Variants in MLXIP observed in about 807,000 individuals in gnomAD.
The protein encoded by MLXIP is MLX-interacting protein.
MLXIP carries 30 observed loss-of-function variants against 87.2 expected under a neutral mutation model. That is an observed-to-expected ratio of 0.34 (90% confidence interval 0.26 to 0.47). MLXIP has a LOEUF of 0.47. Among genes scored for constraint, MLXIP ranks in the 20% least tolerant of loss-of-function variants. MLXIP has a pLI of 1.00. For missense variants in MLXIP, 1,002 were observed against 1,240.1 expected (o/e 0.81, Z 2.88); for synonymous variants, 530 against 514.0 (o/e 1.03, Z -0.42).
chr12:122,114,756 G>GGT (rs1416201986), intron 1 of MLXIP, among the ~76,000 whole-genome samples: 4 of 49,586 alleles, frequency 8.1e-5, no homozygotes, highest in East Asian at 5.8e-4. Context: ...TTTTTTTTTT[G>GGT]GTGGGGGGGG....
chr12:122,093,777 GTA>G (rs1286185852), intron 1 of MLXIP, among the ~76,000 whole-genome samples: 8 of 143,144 alleles, frequency 5.6e-5, no homozygotes, highest in African/African-American at 2.1e-4. Flanking sequence ...TGTGGTGTGT[GTA>G]TTTGCAGTGT....
chr12:122,093,009 G>A (rs1593064538), intron 1 of MLXIP, among the ~76,000 whole-genome samples: 1 of 144,228 alleles, frequency 6.9e-6, no homozygotes, highest in East Asian at 2.1e-4. Context: ...TGTATGTGTG[G>A]TGTGGTCTGT....
chr12:122,142,160 A>T lies in MLXIP; in HGVS notation c.*348A>T, dbSNP rs1953219249. On this transcript the variant is annotated 3_prime_UTR_variant, in exon 17 of 17. Coordinates refer to ENST00000319080, the MANE Select transcript of MLXIP (RefSeq NM_014938.6). The stretch of plus-strand genomic sequence containing the variant: ...GGCCTGGCGCCGGTGAGCGGAATCG[A>T]TGGGATGAGGGTGACAGGGCCTGCT... The T allele has an allele frequency of 2.0e-5, 14 of 701,314 alleles. No homozygotes were observed. In the East Asian group the frequency reaches 3.8e-4, roughly 19 times the overall value. The allele number at this position is 701,314 out of a possible 1,614,324, so 43.4% of individuals were successfully genotyped here.
chr12:122,134,246 G>C, intron 9 of MLXIP: 1 of 493,502 alleles, frequency 2.0e-6, no homozygotes, highest in Admixed American at 4.0e-5. Flanking sequence ...CCAGGCTGGA[G>C]TGCAGTGGCA....
intron 16 of MLXIP, among the ~76,000 whole-genome samples, chr12:122,141,472 C>T (rs1314305633): frequency 6.6e-6 from 1 of 152,108 alleles, no homozygotes; most frequent in African/African-American, 2.4e-5. Context: ...ATAGGATGCT[C>T]CACCTACGGC....
At chr12:122,136,553 C>T (rs968878906) in intron 11 of MLXIP, 13 of 151,334 alleles carry the variant, frequency 8.6e-5, no homozygotes, top group African/African-American at 3.2e-4. Flanking sequence ...CACTTGAATC[C>T]AGGAGGTGGA....
chr12:122,113,418 C>G (rs1189791278), intron 1 of MLXIP, among the ~76,000 whole-genome samples: 1 of 151,986 alleles, frequency 6.6e-6, no homozygotes, highest in African/African-American at 2.4e-5. Context: ...CAGGCATGTA[C>G]CACCACACCT....
intron 1 of MLXIP, among the ~76,000 whole-genome samples, chr12:122,102,261 A>G (rs1013124692): frequency 6.6e-6 from 1 of 152,222 alleles, no homozygotes; most frequent in African/African-American, 2.4e-5. Context: ...AAATAACCCA[A>G]TTTAAAAATG....
chr12:122,103,187 GTATGTATGTATGTATTTATT>G (rs1245037794), intron 1 of MLXIP, among the ~76,000 whole-genome samples: 16 of 56,684 alleles, frequency 2.8e-4, no homozygotes, highest in Non-Finnish European at 3.8e-4. Flanking sequence ...ATGTATGTAT[GTATGTATGTATGTATTTATT>G]TATTTATTTA....
chr12:122,099,248 A>ACCAAAACAAACCAAAACAAAACC (rs1390088064), intron 1 of MLXIP, among the ~76,000 whole-genome samples: 17 of 152,084 alleles, frequency 1.1e-4, no homozygotes, highest in African/African-American at 4.1e-4. Context: ...CTCCAAAAAA[A>ACCAAAACAAACCAAAACAAAACC]CCAAAACAAA....
intron 1 of MLXIP, among the ~76,000 whole-genome samples, chr12:122,095,138 G>A (rs1952331457): frequency 6.8e-6 from 1 of 146,682 alleles, no homozygotes; most frequent in Admixed American, 6.8e-5. Flanking sequence ...TATGTGTGTG[G>A]TGTCTGTGTG....
At chr12:122,083,793 C>T (rs1667357678) in intron 1 of MLXIP, among the ~76,000 whole-genome samples, 1 of 152,232 alleles carries the variant, frequency 6.6e-6, no homozygotes. Context: ...GCACTGTGTC[C>T]TCCAAACTTT....
chr12:122,088,943 G>A (rs144012846), intron 1 of MLXIP, among the ~76,000 whole-genome samples: 2,693 of 150,694 alleles, frequency 0.018, 71 homozygotes, highest in African/African-American at 0.063. Flanking sequence ...AGGTTGAGGC[G>A]GGAGGACTGC....
At chr12:122,110,148 A>G (rs970564978) in intron 1 of MLXIP, among the ~76,000 whole-genome samples, 1 of 152,182 alleles carries the variant, frequency 6.6e-6, no homozygotes, top group Non-Finnish European at 1.5e-5. Context: ...GGAAAAACCT[A>G]TTTAAAGCCT....
At chr12:122,113,664 T>C (rs1022479178) in intron 1 of MLXIP, among the ~76,000 whole-genome samples, 1 of 150,472 alleles carries the variant, frequency 6.6e-6, no homozygotes, top group Non-Finnish European at 1.5e-5. Context: ...GAACAGTCCA[T>C]ATAACTGCCT....
chr12:122,109,129 C>T (rs1403666356), intron 1 of MLXIP, among the ~76,000 whole-genome samples: 1 of 152,220 alleles, frequency 6.6e-6, no homozygotes, highest in African/African-American at 2.4e-5. Flanking sequence ...GATGGGGTTT[C>T]ACCATGTTGG....
intron 1 of MLXIP, among the ~76,000 whole-genome samples, chr12:122,109,902 C>T (rs926184489): frequency 9.9e-5 from 15 of 152,106 alleles, no homozygotes; most frequent in African/African-American, 3.6e-4. Flanking sequence ...TTTTTGAATC[C>T]TCTTCCTCAA....
intron 1 of MLXIP, among the ~76,000 whole-genome samples, chr12:122,117,932 A>G (rs1952717858): frequency 6.6e-6 from 1 of 152,210 alleles, no homozygotes; most frequent in South Asian, 2.1e-4. Flanking sequence ...CATAGATCTT[A>G]GCAACCTCAG....
At chr12:122,141,268 T>A in intron 16 of MLXIP, 185 bp downstream of exon 16, 4 of 377,938 alleles carry the variant, frequency 1.1e-5, no homozygotes, top group Non-Finnish European at 1.5e-5. Context: ...CTCCTGCCCT[T>A]TTGTGTCTCC....
Sources: allele counts gnomAD v4.1 joint callset (sites outside exome capture counted in the v4.1 genomes callset), GRCh38; gene constraint gnomAD v4.1.1; transcripts MANE v1.5; gene names NCBI Gene and HGNC (gene_info 2026-07-23, HGNC 2026-07-21).